Variants in SLC35F4 observed in about 807,000 individuals in gnomAD.
The protein encoded by SLC35F4 is solute carrier family 35 member F4, also known as chromosome 14 open reading frame 36.
SLC35F4 carries 24 observed loss-of-function variants against 44.2 expected under a neutral mutation model. The observed-to-expected ratio is 0.54, with a 90% CI of 0.39 to 0.76. The LOEUF (loss-of-function observed/expected upper bound fraction) is 0.76, where lower values mean the gene tolerates loss of function less well. SLC35F4 is among the 30% of genes least tolerant of loss of function. The pLI is 0.00. For missense variants in SLC35F4, 562 were observed against 586.1 expected (o/e 0.96, Z 0.42); for synonymous variants, 238 against 223.6 (o/e 1.06, Z -0.57).
intron 1 of SLC35F4, among the ~76,000 whole-genome samples, chr14:57,917,624 G>T (rs1889355812): frequency 6.6e-6 from 1 of 151,980 alleles, no homozygotes; most frequent in South Asian, 2.1e-4. Context: ...GTAATGTGGG[G>T]GTGGGGTGGG....
chr14:57,818,946 A>T (rs1235828995), intron 1 of SLC35F4, among the ~76,000 whole-genome samples: 1 of 152,252 alleles, frequency 6.6e-6, no homozygotes, highest in Admixed American at 6.5e-5. Context: ...ATGATACAGC[A>T]TTAGAAACAT....
intron 1 of SLC35F4, among the ~76,000 whole-genome samples, chr14:57,681,417 C>T (rs202170749): frequency 3.9e-5 from 6 of 152,168 alleles, no homozygotes; most frequent in African/African-American, 1.2e-4. Context: ...CCCATAAAAA[C>T]CCTAGAAGAA....
At chr14:57,743,812 T>G (rs2076686188) in intron 1 of SLC35F4, among the ~76,000 whole-genome samples, 1 of 152,142 alleles carries the variant, frequency 6.6e-6, no homozygotes, top group Admixed American at 6.6e-5. Flanking sequence ...TGAACATCGA[T>G]GCAAAAAATC....
chr14:57,633,047 T>G (rs945813869), intron 1 of SLC35F4, among the ~76,000 whole-genome samples: 1 of 152,184 alleles, frequency 6.6e-6, no homozygotes, highest in African/African-American at 2.4e-5. Flanking sequence ...GTTTCCTCTA[T>G]GTCATTTCAT....
intron 1 of SLC35F4, among the ~76,000 whole-genome samples, chr14:57,944,879 G>C (rs1337803352): frequency 6.6e-6 from 1 of 152,088 alleles, no homozygotes; most frequent in Non-Finnish European, 1.5e-5. Context: ...ATCACAAAAG[G>C]CTGCAAAAAC....
At chr14:57,940,915 T>C (rs747416259) in intron 1 of SLC35F4, among the ~76,000 whole-genome samples, 2 of 152,236 alleles carry the variant, frequency 1.3e-5, no homozygotes, top group Non-Finnish European at 2.9e-5. Flanking sequence ...ATAGGTATCT[T>C]AGTTGCCTTG....
Position 57,891,147 on chromosome 14 carries a change from T to C in SLC35F4, n.282+90766A>G, listed in dbSNP as rs1026390999. On this transcript the variant is annotated intron_variant and non_coding_transcript_variant, in intron 1 of 1. Coordinates refer to the SLC35F4 transcript ENST00000556568. Reference sequence around the variant, plus strand: ...GAAAAATGCCATAGACTATATCTCCTGTTGGCTCCTGTAAGTATCAAAAAA... The same window carrying C: ...GAAAAATGCCATAGACTATATCTCCCGTTGGCTCCTGTAAGTATCAAAAAA... Among the ~76,000 whole-genome samples, 22 of 152,334 alleles carry C rather than the reference T, an allele frequency of 1.4e-4. No individual in the cohort carries two copies. The East Asian group carries it at 3.9e-3, about 27-fold the overall frequency.
At chr14:57,685,270 G>T (rs1188929272) in intron 1 of SLC35F4, among the ~76,000 whole-genome samples, 2 of 152,082 alleles carry the variant, frequency 1.3e-5, no homozygotes, top group Non-Finnish European at 2.9e-5. Context: ...AGATAAAAAA[G>T]TCAAGGTCAT....
intron 1 of SLC35F4, among the ~76,000 whole-genome samples, chr14:57,628,601 T>C (rs1267682054): frequency 6.6e-6 from 1 of 150,914 alleles, no homozygotes; most frequent in African/African-American, 2.4e-5. Flanking sequence ...TCCAGCTTCA[T>C]CCATGTCCCT....
intron 1 of SLC35F4, among the ~76,000 whole-genome samples, chr14:57,793,611 A>G (rs1275267655): frequency 6.6e-6 from 1 of 151,828 alleles, no homozygotes; most frequent in East Asian, 1.9e-4. Context: ...TGGTATATGT[A>G]TACCAAATTT....
chr14:57,930,532 TCC>T (rs1403461657), intron 1 of SLC35F4, among the ~76,000 whole-genome samples: 1 of 152,100 alleles, frequency 6.6e-6, no homozygotes, highest in Non-Finnish European at 1.5e-5. Flanking sequence ...ATTGTCTCTC[TCC>T]CGCTCTAAGG....
chr14:57,676,386 C>T (rs191167039), intron 1 of SLC35F4, among the ~76,000 whole-genome samples: 94 of 152,046 alleles, frequency 6.2e-4, no homozygotes, highest in African/African-American at 1.8e-3. Context: ...ACAATGAGAA[C>T]ACATGGACGC....
chr14:57,592,713 C>T (rs1331114599), intron 2 of SLC35F4, among the ~76,000 whole-genome samples: 1 of 152,150 alleles, frequency 6.6e-6, no homozygotes, highest in Non-Finnish European at 1.5e-5. Context: ...AATACATTCT[C>T]AAATGAGTAG....
intron 1 of SLC35F4, among the ~76,000 whole-genome samples, chr14:57,797,668 A>G (rs1463857083): frequency 6.6e-6 from 1 of 152,202 alleles, no homozygotes; most frequent in Non-Finnish European, 1.5e-5. Context: ...AGGCATTTAA[A>G]AATGCACAGA....
At chr14:57,694,758 A>G (rs1230127101) in intron 1 of SLC35F4, among the ~76,000 whole-genome samples, 3 of 152,170 alleles carry the variant, frequency 2.0e-5, no homozygotes, top group Non-Finnish European at 4.4e-5. Flanking sequence ...GGTCTTATAC[A>G]TAATTTGTCA....
chr14:57,585,690 C>T (rs1387295367), intron 3 of SLC35F4, among the ~76,000 whole-genome samples: 1 of 152,044 alleles, frequency 6.6e-6, no homozygotes, highest in Non-Finnish European at 1.5e-5. Context: ...CATTCCTATA[C>T]ACCAGTAATA....
chr14:57,945,724 T>C (rs2141076357), intron 1 of SLC35F4, among the ~76,000 whole-genome samples: 1 of 152,264 alleles, frequency 6.6e-6, no homozygotes, highest in African/African-American at 2.4e-5. Flanking sequence ...GTTTTACTAG[T>C]TTACATTCCC....
chr14:57,618,823 A>G (rs573264847), intron 1 of SLC35F4, among the ~76,000 whole-genome samples: 241 of 152,254 alleles, frequency 1.6e-3, no homozygotes, highest in Middle Eastern at 0.01. Context: ...CAGCAGTCTG[A>G]GGTGGACCTG....
chr14:57,937,586 GAAAGAAAAGAAAAGA>G (rs67004414), intron 1 of SLC35F4, among the ~76,000 whole-genome samples: 8,149 of 113,654 alleles, frequency 0.072, 290 homozygotes, highest in African/African-American at 0.095. Context: ...GAAAAGAAAA[GAAAGAAAAGAAAAGA>G]AAAGAAAAGA....
Sources: gnomAD v4.1 joint callset for allele counts (sites outside exome capture counted in the v4.1 genomes callset) on GRCh38, gnomAD v4.1.1 for gene constraint, MANE v1.5 for transcripts, NCBI Gene and HGNC (gene_info 2026-07-23, HGNC 2026-07-21) for gene names.